Variants in SP140L observed in about 807,000 individuals in gnomAD.
SP140L encodes the protein SP140 like nuclear body protein.
In SP140L, 64 loss-of-function variants were observed where a neutral mutation model predicts 84.3. That is an observed-to-expected ratio of 0.76 (90% confidence interval 0.62 to 0.94). SP140L has a LOEUF of 0.94. SP140L is among the 40% of genes least tolerant of loss of function. SP140L has a pLI of 0.00. For synonymous variants in SP140L, 242 were observed against 236.9 expected (o/e 1.02, Z -0.20); for missense variants, 628 against 692.5 (o/e 0.91, Z 1.05).
chr2:230,331,576 A>G (rs1209302225), intron 2 of SP140L, among the ~76,000 whole-genome samples: 1 of 152,262 alleles, frequency 6.6e-6, no homozygotes, highest in Non-Finnish European at 1.5e-5. Context: ...CTAAATGAAT[A>G]GATAAATCTA....
chr2:230,361,054 G>A (rs1176191638), intron 4 of SP140L, among the ~76,000 whole-genome samples: 1 of 152,176 alleles, frequency 6.6e-6, no homozygotes, highest in East Asian at 1.9e-4. Context: ...GACTCAAGCA[G>A]TTCTCCCGCT....
At chr2:230,380,512 CAAGT>C (rs1398468009) in intron 7 of SP140L, among the ~76,000 whole-genome samples, 1 of 152,114 alleles carries the variant, frequency 6.6e-6, no homozygotes, top group East Asian at 1.9e-4. Flanking sequence ...ATGAAATGCA[CAAGT>C]ATTAAGAGTA....
At chr2:230,381,291 T>G (rs1194540481) in intron 7 of SP140L, among the ~76,000 whole-genome samples, 1 of 152,228 alleles carries the variant, frequency 6.6e-6, no homozygotes, top group East Asian at 1.9e-4. Flanking sequence ...GAGGGAGATG[T>G]TCTCCACTTT....
intron 7 of SP140L, among the ~76,000 whole-genome samples, chr2:230,382,248 C>A (rs1356701257): frequency 1.4e-5 from 2 of 144,250 alleles, no homozygotes; most frequent in African/African-American, 2.6e-5. Flanking sequence ...GAAGCTGGGC[C>A]CAGCCCCTGC....
At position 230,351,119 on chromosome 2, in the gene SP140L, T is replaced by C. The variant is rs2060351796; in HGVS notation, c.108-6686T>C. On this transcript the variant is annotated intron_variant, in intron 2 of 18. Coordinates refer to ENST00000415673, the MANE Select transcript of SP140L (RefSeq NM_138402.6). ...ATACATGTTGATCTTTTTATTTATA[T>C]AGGGTAGATTCCAAAAGCTGGATCT... 2.6e-5 allele frequency among the ~76,000 whole-genome samples: 4 copies of C among 152,182 alleles called. No individual in the cohort carries two copies. In the South Asian group the frequency reaches 8.3e-4, roughly 32 times the overall value.
At chr2:230,398,413 A>G (rs2062152789) in intron 14 of SP140L, among the ~76,000 whole-genome samples, 1 of 152,270 alleles carries the variant, frequency 6.6e-6, no homozygotes, top group African/African-American at 2.4e-5. Flanking sequence ...AAAAAAGGGC[A>G]GATAAGAGGC....
chr2:230,386,130 AC>A (rs1339715112), intron 9 of SP140L, among the ~76,000 whole-genome samples: 1 of 152,190 alleles, frequency 6.6e-6, no homozygotes, highest in African/African-American at 2.4e-5. Flanking sequence ...TTCTTCTACA[AC>A]CTGGGTGTGA....
rs986543316 is a variant in SP140L at position 230,364,619 on chromosome 2, G to T, written c.523+2922G>T. On this transcript the variant is annotated intron_variant, in intron 5 of 18. Transcript: ENST00000415673. ...ATTTAACTTCTTCCTTTCCACTTTGGATGTCTTTTATTTCTTTTTCTTGCC... is the reference window on the plus strand; with the variant it reads ...ATTTAACTTCTTCCTTTCCACTTTGTATGTCTTTTATTTCTTTTTCTTGCC... 5.9e-4 allele frequency among the ~76,000 whole-genome samples: 89 copies of T among 152,054 alleles called. 1 individual carries two copies. The highest frequency in any genetic ancestry group is 2.1e-3 in the African/African-American group (87 of 41,506).
intron 13 of SP140L, among the ~76,000 whole-genome samples, chr2:230,395,006 C>T (rs964513543): frequency 4.6e-5 from 7 of 150,750 alleles, no homozygotes; most frequent in East Asian, 1.9e-4. Context: ...TTTTTTGAGA[C>T]GGAGTTTCAC....
At chr2:230,373,154 T>C (rs559148705) in intron 7 of SP140L, among the ~76,000 whole-genome samples, 1 of 152,324 alleles carries the variant, frequency 6.6e-6, no homozygotes, top group African/African-American at 2.4e-5. Context: ...AGCTGTTTCA[T>C]AACATTAAAG....
At chr2:230,330,360 T>C (rs909889950) in intron 2 of SP140L, among the ~76,000 whole-genome samples, 1 of 152,228 alleles carries the variant, frequency 6.6e-6, no homozygotes, top group Non-Finnish European at 1.5e-5. Flanking sequence ...GCCCCTGGCC[T>C]GTAAGAGCCT....
chr2:230,350,050 T>G (rs1402221274), intron 2 of SP140L, among the ~76,000 whole-genome samples: 2 of 152,102 alleles, frequency 1.3e-5, no homozygotes, highest in Non-Finnish European at 2.9e-5. Context: ...AAAGTCTTAT[T>G]CTATTTGTTT....
At chr2:230,391,095 G>T (rs143552938) in intron 11 of SP140L, among the ~76,000 whole-genome samples, 2 of 152,126 alleles carry the variant, frequency 1.3e-5, no homozygotes, top group African/African-American at 4.8e-5. Flanking sequence ...ATATTTCATT[G>T]TATAGATATA....
chr2:230,374,593 G>A (rs985024023), intron 7 of SP140L, among the ~76,000 whole-genome samples: 1 of 152,174 alleles, frequency 6.6e-6, no homozygotes, highest in Admixed American at 6.5e-5. Context: ...CTTTCATGAA[G>A]TCCATCAACA....
intron 8 of SP140L, among the ~76,000 whole-genome samples, chr2:230,384,533 G>A (rs73112321): frequency 0.012 from 1,890 of 152,226 alleles, 44 homozygotes; most frequent in African/African-American, 0.043. Context: ...CTGCTCTTCT[G>A]TTCTTGCCAG....
chr2:230,393,505 A>C (rs1187888148), intron 13 of SP140L, 44 bp downstream of exon 13: 6 of 1,522,910 alleles, frequency 3.9e-6, no homozygotes, highest in Non-Finnish European at 5.3e-6. Flanking sequence ...CACACAACAG[A>C]TTTAACATGT....
chr2:230,328,188 C>T (rs1343121788), intron 1 of SP140L, among the ~76,000 whole-genome samples: 1 of 152,066 alleles, frequency 6.6e-6, no homozygotes, highest in Middle Eastern at 3.2e-3. Flanking sequence ...TTTTTTAATA[C>T]AAAAGAAATA....
rs749518044 is a variant in SP140L at position 230,358,935 on chromosome 2, T to G, written c.271-29T>G. 16 of 1,538,226 alleles carry G rather than the reference T, an allele frequency of 1.0e-5. 1 individual carries two copies. The South Asian group carries it at 2.0e-4, about 20-fold the overall frequency. On this transcript the variant is annotated intron_variant, in intron 3 of 18. Coordinates refer to ENST00000415673, the MANE Select transcript of SP140L (RefSeq NM_138402.6). ...CTTCTGTAACTTGAAAGTCTGTATT[T>G]GTATTTTCTCCATTCAATATTTTTA... is the stretch of plus-strand genomic sequence containing the variant.
At chr2:230,337,114 T>C (rs528884405) in intron 2 of SP140L, among the ~76,000 whole-genome samples, 1 of 152,310 alleles carries the variant, frequency 6.6e-6, no homozygotes, top group African/African-American at 2.4e-5. Context: ...CCACCAACAG[T>C]GTAAAAGTGT....
Sources: allele counts gnomAD v4.1 joint callset (sites outside exome capture counted in the v4.1 genomes callset), GRCh38; gene constraint gnomAD v4.1.1; transcripts MANE v1.5; gene names NCBI Gene and HGNC (gene_info 2026-07-23, HGNC 2026-07-21).